BANP: variants seen among roughly 807,000 people sequenced by gnomAD.
The protein encoded by BANP is BTG3 associated nuclear protein.
In BANP, 11 loss-of-function variants were observed where a neutral mutation model predicts 68.1. The ratio of observed to expected loss-of-function variants is 0.16; its 90% CI spans 0.10 to 0.27. BANP has a LOEUF of 0.27. BANP is among the 10% of genes least tolerant of loss of function. The pLI is 1.00. For synonymous variants in BANP, 329 were observed against 303.2 expected (o/e 1.09, Z -0.88); for missense variants, 504 against 722.7 (o/e 0.70, Z 3.47).
intron 1 of BANP, among the ~76,000 whole-genome samples, chr16:87,965,505 A>G (rs1300240839): frequency 6.6e-6 from 1 of 151,178 alleles, no homozygotes; most frequent in Non-Finnish European, 1.5e-5. Flanking sequence ...ATGCCCGAGG[A>G]GGCAGGAGTG....
At position 88,027,480 on chromosome 16, in the gene BANP, C is replaced by T. The variant is rs1209011399; in HGVS notation, c.896-3C>T. 6.2e-7 allele frequency: 1 copy of T among 1,613,382 alleles called. No homozygotes were observed. Among genetic ancestry groups the T allele is most frequent in the Admixed American group, 1.7e-5 (1 of 60,018 alleles). On this transcript the variant is annotated splice_region_variant and splice_polypyrimidine_tract_variant and intron_variant, in intron 7 of 13. Coordinates refer to ENST00000682872, the MANE Select transcript of BANP (RefSeq NM_001386991.1). ...CCGCTTCTCCTTGGATGTGTCCTTCCAGGTCACCTTTTCTATAAATTTGGC... is the reference window on the plus strand; with the variant it reads ...CCGCTTCTCCTTGGATGTGTCCTTCTAGGTCACCTTTTCTATAAATTTGGC...
At chr16:87,967,357 C>T (rs1227310918) in intron 1 of BANP, among the ~76,000 whole-genome samples, 1 of 150,704 alleles carries the variant, frequency 6.6e-6, no homozygotes, top group African/African-American at 2.4e-5. Flanking sequence ...ATCCACCCAC[C>T]TTCTCCTCCC....
intron 11 of BANP, among the ~76,000 whole-genome samples, chr16:88,051,038 T>C (rs772110326): frequency 1.3e-5 from 2 of 152,158 alleles, no homozygotes; most frequent in Non-Finnish European, 2.9e-5. Flanking sequence ...CAGAACCCCG[T>C]AGAATGCTAA....
intron 7 of BANP, among the ~76,000 whole-genome samples, chr16:88,024,165 C>T (rs2076531086): frequency 1.3e-5 from 2 of 152,158 alleles, no homozygotes; most frequent in Admixed American, 6.5e-5. Context: ...GTCACGTGTG[C>T]GGGGCTGTGC....
chr16:88,035,074 CCA>C, intron 9 of BANP: 2 of 508,018 alleles, frequency 3.9e-6, no homozygotes, highest in Non-Finnish European at 3.6e-6. Flanking sequence ...TCAGCACCAT[CCA>C]CAGTTTCTGG....
chr16:88,001,306 G>A (rs115642725), intron 4 of BANP, among the ~76,000 whole-genome samples: 1,744 of 104,398 alleles, frequency 0.017, 166 homozygotes, highest in African/African-American at 0.07. Flanking sequence ...GCACGTGCGC[G>A]GCTAGACTTA....
At chr16:88,066,591 CA>C (rs2088682379) in intron 12 of BANP, among the ~76,000 whole-genome samples, 1 of 152,166 alleles carries the variant, frequency 6.6e-6, no homozygotes, top group Non-Finnish European at 1.5e-5. Flanking sequence ...GTGTTGTTCA[CA>C]AAAAGTAAAA....
At chr16:88,015,472 G>C (rs2074326652) in intron 6 of BANP, among the ~76,000 whole-genome samples, 1 of 152,238 alleles carries the variant, frequency 6.6e-6, no homozygotes, top group Non-Finnish European at 1.5e-5. Context: ...TATGTTCCCT[G>C]CTCTGGCCAC....
At chr16:88,076,346 G>GGGGGCGGGCCGGGGCC (rs149305634) in intron 13 of BANP, among the ~76,000 whole-genome samples, 29,278 of 151,952 alleles carry the variant, frequency 0.19, 3,287 homozygotes, top group East Asian at 0.46. Flanking sequence ...AGTCCATGTC[G>GGGGGCGGGCCGGGGCC]GGGGCGGGCC....
chr16:88,040,994 G>A (rs2080642738), intron 11 of BANP, among the ~76,000 whole-genome samples: 1 of 152,216 alleles, frequency 6.6e-6, no homozygotes, highest in African/African-American at 2.4e-5. Context: ...CTCTTGGGAG[G>A]GTGGCCAGGC....
intron 11 of BANP, among the ~76,000 whole-genome samples, chr16:88,052,911 C>T (rs113327212): frequency 0.017 from 2,517 of 151,846 alleles, 71 homozygotes; most frequent in African/African-American, 0.057. Flanking sequence ...CCATCATCAT[C>T]ACCAACACAA....
intron 11 of BANP, among the ~76,000 whole-genome samples, chr16:88,045,319 C>G (rs1302864254): frequency 1.3e-5 from 2 of 152,236 alleles, no homozygotes; most frequent in Non-Finnish European, 2.9e-5. Flanking sequence ...TTTGCCGCAG[C>G]TGTCCATGCC....
At chr16:88,011,166 C>T (rs137935014) in intron 6 of BANP, among the ~76,000 whole-genome samples, 3 of 152,254 alleles carry the variant, frequency 2.0e-5, no homozygotes, top group Non-Finnish European at 4.4e-5. Context: ...GGCGTCTCAG[C>T]GGCTTGCGTT....
At chr16:87,986,838 A>G (rs375875451) in intron 4 of BANP, among the ~76,000 whole-genome samples, 67 of 152,272 alleles carry the variant, frequency 4.4e-4, no homozygotes, top group African/African-American at 1.5e-3. Flanking sequence ...GTTAACCCAG[A>G]TGTGTGAGAT....
chr16:87,977,063 G>A (rs1426419252), intron 2 of BANP, among the ~76,000 whole-genome samples: 2 of 152,140 alleles, frequency 1.3e-5, no homozygotes, highest in Non-Finnish European at 2.9e-5. Context: ...TCTTGATTTT[G>A]TTCCAACTCT....
At chr16:88,030,692 G>T (rs781556052) in intron 8 of BANP, among the ~76,000 whole-genome samples, 1 of 152,220 alleles carries the variant, frequency 6.6e-6, no homozygotes, top group Non-Finnish European at 1.5e-5. Context: ...GTGCAACAGC[G>T]TGTGAAGCCG....
chr16:88,052,271 C>G (rs529249687), intron 11 of BANP, among the ~76,000 whole-genome samples: 1 of 152,222 alleles, frequency 6.6e-6, no homozygotes, highest in South Asian at 2.1e-4. Context: ...AATACACCTT[C>G]TAAAGCATTG....
chr16:88,076,569 C>T (rs775146050), intron 13 of BANP, 21 bp from the exon 14 acceptor site: 1 of 1,608,960 alleles, frequency 6.2e-7, no homozygotes, highest in Non-Finnish European at 8.5e-7. Context: ...CTAGAAAGTC[C>T]CTCCTTTCTC....
At chr16:88,024,757 C>G (rs559191208) in intron 7 of BANP, among the ~76,000 whole-genome samples, 1 of 152,370 alleles carries the variant, frequency 6.6e-6, no homozygotes, top group East Asian at 1.9e-4. Context: ...GCCTGGAGCG[C>G]AGACGGAAGG....
Sources: allele counts gnomAD v4.1 joint callset (sites outside exome capture counted in the v4.1 genomes callset), GRCh38; gene constraint gnomAD v4.1.1; transcripts MANE v1.5; gene names NCBI Gene and HGNC (gene_info 2026-07-23, HGNC 2026-07-21).